Variants in CDKL1 observed in about 807,000 individuals in gnomAD.
The protein encoded by CDKL1 is cyclin-dependent kinase-like 1.
CDKL1 carries 41 observed loss-of-function variants against 42.0 expected under a neutral mutation model. The ratio of observed to expected loss-of-function variants is 0.98; its 90% CI spans 0.76 to 1.27. The LOEUF is 1.27. CDKL1 is among the 50% of genes most tolerant of loss of function. The probability of loss-of-function intolerance (pLI) is 0.00; values close to 1 mark genes in which losing one functional copy is unlikely to be tolerated. For synonymous variants in CDKL1, 153 were observed against 158.6 expected (o/e 0.96, Z 0.26); for missense variants, 394 against 428.4 (o/e 0.92, Z 0.71).
chr14:50,333,366 G>A (rs11570866), intron 8 of CDKL1: 5,153 of 152,204 alleles, frequency 0.034, 302 homozygotes, highest in African/African-American at 0.12. Flanking sequence ...ACTCCTCGTT[G>A]TACACTAATT....
intron 2 of CDKL1, chr14:50,363,202 T>C (rs1055653220): frequency 1.3e-5 from 3 of 222,622 alleles, no homozygotes; most frequent in Non-Finnish European, 1.9e-5. Context: ...ACGCCGCCTT[T>C]AAGAAGTGTA....
At chr14:50,363,089 A>G (rs1372692432) in intron 2 of CDKL1, 13 of 337,836 alleles carry the variant, frequency 3.8e-5, no homozygotes, top group South Asian at 3.0e-4. Flanking sequence ...TGTAACACTC[A>G]CTGCGAAGGT....
At chr14:50,354,369 C>A (rs1228152582) in intron 3 of CDKL1, among the ~76,000 whole-genome samples, 1 of 152,118 alleles carries the variant, frequency 6.6e-6, no homozygotes, top group Non-Finnish European at 1.5e-5. Flanking sequence ...TGAAAACTTG[C>A]AGTAATGTAC....
intron 8 of CDKL1, 154 bp downstream of exon 8, chr14:50,334,411 A>C (rs2033140825): frequency 3.3e-6 from 2 of 607,780 alleles, no homozygotes; most frequent in African/African-American, 3.8e-5. Context: ...GGCCTCCCAA[A>C]GTGCTAGGAT....
chr14:50,377,426 TC>T (rs896556877), intron 2 of CDKL1: 3 of 318,920 alleles, frequency 9.4e-6, no homozygotes, highest in African/African-American at 6.8e-5. Flanking sequence ...CCTTGTTTTC[TC>T]CCCTGTCACC....
rs529742030 is a variant in CDKL1 at position 50,385,621 on chromosome 14, T to C, written c.168+10080A>G. Among the ~76,000 whole-genome samples the C allele has an allele frequency of 7.2e-5, 11 of 152,100 alleles. No homozygotes were observed. The East Asian group carries it at 1.9e-3, about 27-fold the overall frequency. On this transcript the variant is annotated intron_variant, in intron 2 of 9. Transcript: ENST00000395834. Reference sequence around the variant, plus strand: ...GAGTTAAAGACCAGCCCGGCCAAGATGGTGAAACCCCATCTCTACTAAAAA... The same window carrying C: ...GAGTTAAAGACCAGCCCGGCCAAGACGGTGAAACCCCATCTCTACTAAAAA...
chr14:50,380,244 G>A (rs1457592447), intron 2 of CDKL1: 1 of 531,678 alleles, frequency 1.9e-6, no homozygotes, highest in Admixed American at 1.9e-5. Flanking sequence ...TGCATCCCAG[G>A]AGAAAATGCA....
At chr14:50,386,597 A>G (rs915136152) in intron 2 of CDKL1, among the ~76,000 whole-genome samples, 6 of 152,154 alleles carry the variant, frequency 3.9e-5, no homozygotes, top group Non-Finnish European at 7.4e-5. Context: ...ATCCCAGGAC[A>G]CTTTACATAA....
Position 50,326,598 on chromosome 14 carries a change from CTTAAT to C in CDKL1, c.*3471_*3475del. ...ACTTACTCAGAATCAACAGTTGCTGCTTAATTTGTCTATTTTGTAAGCTTAGGCTA... is the reference window on the plus strand; with the variant it reads ...ACTTACTCAGAATCAACAGTTGCTGCTTGTCTATTTTGTAAGCTTAGGCTA... On this transcript the variant is annotated 3_prime_UTR_variant, in exon 10 of 10. Transcript: ENST00000395834. 1.0e-6 allele frequency: 1 copy of C among 985,396 alleles called. No individual in the cohort carries two copies. The highest frequency in any genetic ancestry group is 1.2e-6 in the Non-Finnish European group (1 of 829,916). 61.0% of individuals were successfully genotyped at this position (985,396 alleles called of 1,614,324 possible).
rs897053712 is a variant in CDKL1 at position 50,328,508 on chromosome 14, T to C, written c.*1566A>G. 9 of 152,142 alleles carry C rather than the reference T, an allele frequency of 5.9e-5. No individual in the cohort carries two copies. The East Asian group carries it at 1.5e-3, about 26-fold the overall frequency. The allele number at this position is 152,142 out of a possible 1,614,324, so 9.4% of individuals were successfully genotyped here. On this transcript the variant is annotated 3_prime_UTR_variant, in exon 10 of 10. Coordinates refer to ENST00000395834, the MANE Select transcript of CDKL1 (RefSeq NM_004196.7). ...GAAAATGAGAGTACAGAAGAAATGT[T>C]TTGAAAATAGAGTGAAATACAACTT...
chr14:50,358,254 T>G, intron 3 of CDKL1: 1 of 743,930 alleles, frequency 1.3e-6, no homozygotes, highest in South Asian at 1.9e-5. Flanking sequence ...TCAGTTGGGT[T>G]TTTGTCACTT....
intron 2 of CDKL1, among the ~76,000 whole-genome samples, chr14:50,359,633 AATAG>A (rs143443297): frequency 0.012 from 1,791 of 152,134 alleles, 29 homozygotes; most frequent in African/African-American, 0.041. Flanking sequence ...CAATAGCTAC[AATAG>A]ATAAATTCAA....
intron 4 of CDKL1, among the ~76,000 whole-genome samples, chr14:50,344,769 G>C (rs553843559): frequency 1.3e-5 from 2 of 152,188 alleles, no homozygotes; most frequent in African/African-American, 2.4e-5. Context: ...ACCATGCCTG[G>C]CACTAGTTTC....
At chr14:50,361,925 G>A (rs1025091034) in intron 2 of CDKL1, among the ~76,000 whole-genome samples, 2 of 152,362 alleles carry the variant, frequency 1.3e-5, no homozygotes, top group African/African-American at 2.4e-5. Context: ...GGCCGGAGCC[G>A]GCTCCCTCAG....
rs11570818 is a variant in CDKL1 at position 50,358,157 on chromosome 14, G to C, written c.290+871C>G. The C allele has an allele frequency of 8.2e-4, 1,085 of 1,323,336 alleles. 9 individuals carry two copies. In the African/African-American group the frequency reaches 0.014, roughly 18 times the overall value. 82.0% of individuals were successfully genotyped at this position (1,323,336 alleles called of 1,614,324 possible). On this transcript the variant is annotated intron_variant, in intron 3 of 9. Coordinates refer to ENST00000395834, the MANE Select transcript of CDKL1 (RefSeq NM_004196.7). ...GATGTTGCATATGCTAGAGAGAGCT[G>C]TGTGGTAAGATCAGCGGAGCCCCCG...
At position 50,341,155 on chromosome 14, in the gene CDKL1, G is replaced by A. The variant is rs1344182715; in HGVS notation, c.532C>T (p.Gln178Ter). The A allele has an allele frequency of 6.2e-7, 1 of 1,614,182 alleles. No homozygotes were observed. The highest frequency in any genetic ancestry group is 8.5e-7 in the Non-Finnish European group (1 of 1,180,040). ...RSPELLVGDTQYGPPVDVWAI... is the reference protein window; with the variant it reads ...RSPELLVGDT ...CAAACATCCACCGGGGGGCCGTACTGCGTGTCCCCCACCAGCAGCTCAGGG... is the reference window on the plus strand; with the variant it reads ...CAAACATCCACCGGGGGGCCGTACTACGTGTCCCCCACCAGCAGCTCAGGG... Residue 178 changes from glutamine (Q) to a stop codon, truncating the protein, a stop_gained, in exon 6 of 10, where the codon CAG becomes TAG. Transcript: ENST00000395834. LOFTEE classifies it high-confidence loss of function.
intron 6 of CDKL1, 36 bp from the exon 7 acceptor site, chr14:50,339,065 G>T: frequency 1.5e-6 from 2 of 1,345,688 alleles, no homozygotes; most frequent in Non-Finnish European, 2.1e-6. Context: ...AGTGAAATTG[G>T]TTAGCAAACA....
intron 3 of CDKL1, 106 bp from the exon 4 acceptor site, chr14:50,345,164 A>G: frequency 4.3e-6 from 4 of 928,274 alleles, no homozygotes; most frequent in Non-Finnish European, 6.5e-6. Context: ...GAAAAATCTT[A>G]GGTGACACAT....
intron 2 of CDKL1, among the ~76,000 whole-genome samples, chr14:50,385,070 C>CAAAAAAAAAAA (rs55719234): frequency 6.4e-5 from 6 of 93,556 alleles, no homozygotes; most frequent in Admixed American, 1.3e-4. Context: ...GACTCTGTCT[C>CAAAAAAAAAAA]AAAAAAAAAA....
Sources: allele counts gnomAD v4.1 joint callset (sites outside exome capture counted in the v4.1 genomes callset), GRCh38; gene constraint gnomAD v4.1.1; transcripts MANE v1.5; gene names NCBI Gene and HGNC (gene_info 2026-07-23, HGNC 2026-07-21).